The following DLG2 variants were observed in gnomAD, a reference collection of about 807,000 sequenced individuals.
DLG2 encodes disks large homolog 2.
Under a neutral mutation model 132.5 loss-of-function variants are expected in DLG2, and 45 were observed. That is an observed-to-expected ratio of 0.34 (90% CI 0.27 to 0.44). DLG2 has a LOEUF of 0.44. Among genes scored for constraint, DLG2 ranks in the 20% least tolerant of loss-of-function variants. DLG2 has a pLI of 1.00. For synonymous variants in DLG2, 424 were observed against 419.6 expected (o/e 1.01, Z -0.13); for missense variants, 1,045 against 1,196.9 (o/e 0.87, Z 1.87).
intron 8 of DLG2, among the ~76,000 whole-genome samples, chr11:84,232,063 T>C (rs1173284260): frequency 1.3e-5 from 2 of 151,720 alleles, no homozygotes; most frequent in South Asian, 2.1e-4. Flanking sequence ...AGCCAGACTA[T>C]GTGAAATAAG....
intron 19 of DLG2, among the ~76,000 whole-genome samples, chr11:83,594,335 A>G (rs2097249016): frequency 6.6e-6 from 1 of 152,242 alleles, no homozygotes; most frequent in African/African-American, 2.4e-5. Context: ...ACTGTGGATG[A>G]GAAATAAACT....
chr11:83,713,370 A>G lies in DLG2; in HGVS notation c.1825+73320T>C, dbSNP rs557526861. 5.3e-5 allele frequency among the ~76,000 whole-genome samples: 8 copies of G among 152,366 alleles called. No homozygotes were observed. The East Asian group carries it at 1.5e-3, about 29-fold the overall frequency. On this transcript the variant is annotated intron_variant, in intron 18 of 27. Transcript: ENST00000376104. ...GATTTGAAGAATGGGTGAGGTTTGC[A>G]TAAAAGACGGATTTCCAGAGTCGAA...
intron 3 of DLG2, among the ~76,000 whole-genome samples, chr11:85,560,552 GT>G (rs2153223604): frequency 6.6e-6 from 1 of 151,872 alleles, no homozygotes; most frequent in South Asian, 2.1e-4. Flanking sequence ...CAAACAGAAA[GT>G]AAATCAGTTG....
At chr11:84,389,435 TA>T (rs1363547822) in intron 7 of DLG2, among the ~76,000 whole-genome samples, 7 of 152,224 alleles carry the variant, frequency 4.6e-5, no homozygotes, top group Admixed American at 3.9e-4. Flanking sequence ...GTAATATAAA[TA>T]AAAATATATT....
At chr11:85,081,253 C>T (rs1040075976) in intron 6 of DLG2, among the ~76,000 whole-genome samples, 2 of 152,104 alleles carry the variant, frequency 1.3e-5, no homozygotes, top group Middle Eastern at 3.2e-3. Flanking sequence ...ATAGTGTGTC[C>T]GGCATCATGA....
chr11:84,170,100 T>C (rs887623385), intron 8 of DLG2, among the ~76,000 whole-genome samples: 2 of 152,086 alleles, frequency 1.3e-5, no homozygotes, highest in Non-Finnish European at 2.9e-5. Flanking sequence ...CACCATGCCT[T>C]GATCAAAGCA....
chr11:85,403,837 C>A (rs937687726), intron 3 of DLG2, among the ~76,000 whole-genome samples: 1 of 151,896 alleles, frequency 6.6e-6, no homozygotes, highest in African/African-American at 2.4e-5. Context: ...TTGTAATATA[C>A]CACACAAAAG....
At chr11:85,185,515 T>C (rs1230034127) in intron 4 of DLG2, among the ~76,000 whole-genome samples, 1 of 151,996 alleles carries the variant, frequency 6.6e-6, no homozygotes, top group Non-Finnish European at 1.5e-5. Flanking sequence ...CCCATGCTCA[T>C]GTAGAGTATC....
At chr11:85,161,741 G>A (rs2078045552) in intron 4 of DLG2, among the ~76,000 whole-genome samples, 1 of 152,176 alleles carries the variant, frequency 6.6e-6, no homozygotes, top group Non-Finnish European at 1.5e-5. Flanking sequence ...GAAACAGCTG[G>A]ATTGACAGAA....
chr11:84,786,709 C>A (rs1455520395), intron 6 of DLG2, among the ~76,000 whole-genome samples: 1 of 152,164 alleles, frequency 6.6e-6, no homozygotes, highest in African/African-American at 2.4e-5. Flanking sequence ...ATAAGAGCTG[C>A]CTCAATTGAA....
intron 6 of DLG2, among the ~76,000 whole-genome samples, chr11:84,567,163 G>A (rs921078138): frequency 6.6e-6 from 1 of 152,058 alleles, no homozygotes; most frequent in Non-Finnish European, 1.5e-5. Flanking sequence ...AGCCACACAA[G>A]CGTTATTGAA....
intron 6 of DLG2, among the ~76,000 whole-genome samples, chr11:84,669,995 A>G (rs1327670784): frequency 6.6e-6 from 1 of 152,214 alleles, no homozygotes; most frequent in African/African-American, 2.4e-5. Flanking sequence ...CCTGTTGTAG[A>G]AAGAACCAGA....
chr11:84,922,996 C>G (rs1041011555), intron 6 of DLG2: 1 of 1,567,250 alleles, frequency 6.4e-7, no homozygotes, highest in African/African-American at 1.4e-5. Flanking sequence ...CCGAAAAGTC[C>G]TGAAGCTACA....
At chr11:84,344,799 T>C (rs912246242) in intron 7 of DLG2, among the ~76,000 whole-genome samples, 4 of 152,212 alleles carry the variant, frequency 2.6e-5, no homozygotes, top group African/African-American at 9.6e-5. Flanking sequence ...AATTACTTGA[T>C]AGCTGAACCC....
At chr11:85,190,930 T>C (rs1489663648) in intron 4 of DLG2, among the ~76,000 whole-genome samples, 1 of 152,294 alleles carries the variant, frequency 6.6e-6, no homozygotes, top group East Asian at 1.9e-4. Flanking sequence ...GTTCAGCCAC[T>C]GTGGAAAGTA....
intron 6 of DLG2, among the ~76,000 whole-genome samples, chr11:84,971,166 A>C (rs6592228): frequency 0.51 from 77,276 of 151,956 alleles, 20,061 homozygotes; most frequent in East Asian, 0.64. Flanking sequence ...TTCATTCCCA[A>C]TGTTTGCCAC....
At chr11:84,856,173 A>G (rs1381898003) in intron 6 of DLG2, among the ~76,000 whole-genome samples, 2 of 152,114 alleles carry the variant, frequency 1.3e-5, no homozygotes, top group African/African-American at 2.4e-5. Flanking sequence ...AGGGCCACAC[A>G]AAGTCATTCT....
At chr11:84,654,942 G>C (rs1022990620) in intron 6 of DLG2, among the ~76,000 whole-genome samples, 9 of 152,186 alleles carry the variant, frequency 5.9e-5, no homozygotes, top group African/African-American at 2.2e-4. Context: ...CCAGAGCTTT[G>C]GGAAACTCAC....
intron 3 of DLG2, among the ~76,000 whole-genome samples, chr11:85,335,765 G>A (rs987394184): frequency 5.3e-5 from 8 of 151,916 alleles, no homozygotes; most frequent in African/African-American, 1.9e-4. Flanking sequence ...GGAGATGGGG[G>A]CGGAGGGCAT....
Sources: allele counts gnomAD v4.1 joint callset (sites outside exome capture counted in the v4.1 genomes callset), GRCh38; gene constraint gnomAD v4.1.1; transcripts MANE v1.5; gene names NCBI Gene and HGNC (gene_info 2026-07-23, HGNC 2026-07-21).